Variants in CSMD1 observed in about 807,000 individuals in gnomAD.
CSMD1 encodes the protein CUB and Sushi multiple domains 1.
A neutral mutation model predicts 417.5 loss-of-function variants in CSMD1; 213 were observed. The ratio of observed to expected loss-of-function variants is 0.51; its 90% confidence interval spans 0.46 to 0.57. The LOEUF is 0.57. Ranked by LOEUF, CSMD1 falls within the 20% of genes least tolerant of loss-of-function variation. The pLI is 0.00. For missense variants in CSMD1, 6,923 were observed against 4,529.7 expected, an observed-to-expected ratio of 1.53 and a Z score of -15.17; for synonymous variants, 2,862 against 1,736.8, an observed-to-expected ratio of 1.65 and a Z score of -16.11.
chr8:4,006,823 A>ATTTTTTTTTTTTTT (rs759780050), intron 4 of CSMD1, among the ~76,000 whole-genome samples: 1 of 95,960 alleles, frequency 1.0e-5, no homozygotes, highest in African/African-American at 4.2e-5. Flanking sequence ...GACTTTTCCT[A>ATTTTTTTTTTTTTT]TTTTTTTTTT....
intron 4 of CSMD1, among the ~76,000 whole-genome samples, chr8:4,007,947 A>C (rs1406704833): frequency 6.6e-6 from 1 of 152,198 alleles, no homozygotes; most frequent in Non-Finnish European, 1.5e-5. Flanking sequence ...CTCTTAATAG[A>C]GCGAAATTTC....
At chr8:3,784,029 C>T (rs1024186719) in intron 5 of CSMD1, among the ~76,000 whole-genome samples, 1 of 152,226 alleles carries the variant, frequency 6.6e-6, no homozygotes. Flanking sequence ...CATCGTACAA[C>T]ATGCCTGACA....
chr8:3,370,319 G>C (rs1443488393), intron 18 of CSMD1, among the ~76,000 whole-genome samples: 1 of 152,210 alleles, frequency 6.6e-6, no homozygotes, highest in African/African-American at 2.4e-5. Context: ...ACCAGAGCCG[G>C]AGGGTAGAGG....
Position 4,018,935 on chromosome 8 carries a change from G to A in CSMD1, c.610+12970C>T, listed in dbSNP as rs528967108. 2.7e-4 allele frequency among the ~76,000 whole-genome samples: 41 copies of A among 152,200 alleles called. No homozygotes were observed. The South Asian group carries it at 3.5e-3, about 13-fold the overall frequency. On this transcript the variant is annotated intron_variant, in intron 4 of 69. Transcript: ENST00000635120. ...ATGAAAGTTAATAACAAGAACATAC[G>A]TAAGGCATGTAAACATTGTCTGACA...
chr8:4,568,838 T>C (rs765520027), intron 2 of CSMD1, among the ~76,000 whole-genome samples: 3 of 152,210 alleles, frequency 2.0e-5, no homozygotes, highest in Non-Finnish European at 4.4e-5. Flanking sequence ...TGGTATCTCA[T>C]AGTGGTTTTG....
intron 1 of CSMD1, among the ~76,000 whole-genome samples, chr8:4,695,271 C>G (rs1807047260): frequency 6.6e-6 from 1 of 152,230 alleles, no homozygotes; most frequent in South Asian, 2.1e-4. Context: ...CAAAACCTCT[C>G]TCTCTGACCC....
At chr8:3,999,665 G>A (rs544999236) in intron 4 of CSMD1, among the ~76,000 whole-genome samples, 1 of 152,258 alleles carries the variant, frequency 6.6e-6, no homozygotes, top group East Asian at 1.9e-4. Flanking sequence ...GGGATGCCAG[G>A]CTGGTCTACA....
At chr8:3,094,151 G>A (rs1216966007) in intron 47 of CSMD1, among the ~76,000 whole-genome samples, 2 of 151,448 alleles carry the variant, frequency 1.3e-5, no homozygotes, top group African/African-American at 4.9e-5. Context: ...TGCCTTCCAG[G>A]CTGGAGTGCA....
chr8:3,151,839 C>G (rs953537884), intron 39 of CSMD1, among the ~76,000 whole-genome samples: 1 of 152,196 alleles, frequency 6.6e-6, no homozygotes, highest in Non-Finnish European at 1.5e-5. Context: ...TTAGCTGCTA[C>G]TCATTGAGAG....
At chr8:4,394,727 G>A (rs117714370) in intron 3 of CSMD1, among the ~76,000 whole-genome samples, 2 of 152,158 alleles carry the variant, frequency 1.3e-5, no homozygotes, top group African/African-American at 4.8e-5. Flanking sequence ...AGATCAAAGA[G>A]TGACATTTTC....
chr8:3,669,037 T>C (rs1798848798), intron 7 of CSMD1, among the ~76,000 whole-genome samples: 1 of 152,178 alleles, frequency 6.6e-6, no homozygotes, highest in Admixed American at 6.5e-5. Context: ...CTTTAGAGTT[T>C]ACCTTAACCT....
intron 3 of CSMD1, among the ~76,000 whole-genome samples, chr8:4,265,119 C>G (rs1335044529): frequency 6.6e-6 from 1 of 152,144 alleles, no homozygotes; most frequent in Non-Finnish European, 1.5e-5. Flanking sequence ...AGTTGAAAAA[C>G]TGTCCTCTAA....
intron 5 of CSMD1, among the ~76,000 whole-genome samples, chr8:3,778,918 C>A (rs1056995186): frequency 6.6e-6 from 1 of 152,146 alleles, no homozygotes; most frequent in Non-Finnish European, 1.5e-5. Context: ...GGATCAACAA[C>A]AATCTCTCAA....
intron 3 of CSMD1, among the ~76,000 whole-genome samples, chr8:4,383,742 TA>T (rs35448147): frequency 6.6e-6 from 1 of 151,182 alleles, no homozygotes; most frequent in East Asian, 1.9e-4. Flanking sequence ...CATGTGCAGA[TA>T]AAAAAAATTT....
chr8:4,032,191 T>A lies in CSMD1; in HGVS notation c.416-92A>T, dbSNP rs913374704. On this transcript the variant is annotated intron_variant, in intron 3 of 69. Coordinates refer to ENST00000635120, the MANE Select transcript of CSMD1 (RefSeq NM_033225.6). ...TAAAACAGACACCATTTTTGAATTATTAAAATGAGAAAACCTCTAGCATCA... is the reference window on the plus strand; with the variant it reads ...TAAAACAGACACCATTTTTGAATTAATAAAATGAGAAAACCTCTAGCATCA... 1.3e-5 allele frequency: 11 copies of A among 873,274 alleles called. No homozygotes were observed. The East Asian group carries it at 2.9e-4, about 23-fold the overall frequency. The allele number at this position is 873,274 out of a possible 1,614,324, so 54.1% of individuals were successfully genotyped here.
intron 18 of CSMD1, among the ~76,000 whole-genome samples, chr8:3,374,024 C>G (rs1454673971): frequency 2.0e-5 from 3 of 149,396 alleles, no homozygotes; most frequent in Admixed American, 1.3e-4. Context: ...GAGATCTTGG[C>G]TCACTGCAAC....
intron 10 of CSMD1, among the ~76,000 whole-genome samples, chr8:3,516,817 C>T (rs147881235): frequency 1.2e-3 from 188 of 152,166 alleles, no homozygotes; most frequent in African/African-American, 4.2e-3. Context: ...ACAATCCCAT[C>T]GCTGAGTATC....
chr8:4,204,924 T>C lies in CSMD1; in HGVS notation c.416-172825A>G, dbSNP rs6987935. Among the ~76,000 whole-genome samples the C allele has an allele frequency of 3.0e-3, 459 of 152,258 alleles. 2 individuals are homozygous for C. Among genetic ancestry groups the C allele is most frequent in the African/African-American group, 0.011 (444 of 41,532 alleles). ...ATCCTCCCATCTCAGCTTCCCAAAG[T>C]GCTGGGATTACAAATGTGAGCCACT... On this transcript the variant is annotated intron_variant, in intron 3 of 69. Coordinates refer to ENST00000635120, the MANE Select transcript of CSMD1 (RefSeq NM_033225.6).
intron 2 of CSMD1, among the ~76,000 whole-genome samples, chr8:4,628,267 C>G (rs1318896959): frequency 6.6e-6 from 1 of 150,936 alleles, no homozygotes; most frequent in East Asian, 2.0e-4. Context: ...TCTTTCATAC[C>G]TCTTGTAAAT....
Sources: gnomAD v4.1 joint callset for allele counts (sites outside exome capture counted in the v4.1 genomes callset) on GRCh38, gnomAD v4.1.1 for gene constraint, MANE v1.5 for transcripts, NCBI Gene and HGNC (gene_info 2026-07-23, HGNC 2026-07-21) for gene names.